Variants in FILIP1 observed in about 807,000 individuals in gnomAD.
FILIP1 encodes filamin-A-interacting protein 1.
FILIP1 carries 61 observed loss-of-function variants against 102.1 expected under a neutral mutation model. That is an observed-to-expected ratio of 0.60 (90% CI 0.49 to 0.74). FILIP1 has a LOEUF of 0.74. Among genes scored for constraint, FILIP1 ranks in the 30% least tolerant of loss-of-function variants. FILIP1 has a pLI of 0.00. For synonymous variants in FILIP1, 491 were observed against 526.9 expected (o/e 0.93, Z 0.93); for missense variants, 1,314 against 1,441.2 (o/e 0.91, Z 1.43).
intron 1 of FILIP1, among the ~76,000 whole-genome samples, chr6:75,441,719 C>A (rs1193652070): frequency 7.0e-6 from 1 of 142,198 alleles, no homozygotes; most frequent in South Asian, 2.2e-4. Flanking sequence ...CTGACCCCCC[C>A]ACCTCCCTCC....
In FILIP1 at chr6:75,299,204, A is replaced by G. The variant is rs539242316; in HGVS notation, c.3494-3254T>C. Among the ~76,000 whole-genome samples, 3 of 152,244 alleles carry G rather than the reference A, an allele frequency of 2.0e-5. No individual in the cohort carries two copies. In the South Asian group the frequency reaches 6.2e-4, roughly 32 times the overall value. On this transcript the variant is annotated intron_variant, in intron 6 of 6. Coordinates refer to the FILIP1 transcript ENST00000393004. Reference sequence around the variant, plus strand: ...TTTTATTCCATCTCCTACTGTCTTCATTTCATCCCAGAACAAGATTCAACT... The same window carrying G: ...TTTTATTCCATCTCCTACTGTCTTCGTTTCATCCCAGAACAAGATTCAACT...
intron 1 of FILIP1, among the ~76,000 whole-genome samples, chr6:75,485,998 T>TACACAC (rs71002741): frequency 3.0e-5 from 3 of 100,578 alleles, no homozygotes; most frequent in African/African-American, 8.4e-5. Context: ...CACACACACA[T>TACACAC]ACACACACAC....
intron 4 of FILIP1, chr6:75,319,061 C>T (rs1242809001): frequency 1.5e-5 from 11 of 728,504 alleles, no homozygotes; most frequent in African/African-American, 1.2e-4. Context: ...TCATCTTCAT[C>T]TTCTTCACCT....
intron 1 of FILIP1, chr6:75,428,622 C>CT (rs1313134661): frequency 6.5e-6 from 1 of 154,156 alleles, no homozygotes; most frequent in Non-Finnish European, 1.5e-5. Flanking sequence ...ACCAGCAACT[C>CT]TGCCTTCTCA....
intron 1 of FILIP1, among the ~76,000 whole-genome samples, chr6:75,460,551 T>C (rs2149749456): frequency 6.6e-6 from 1 of 152,322 alleles, no homozygotes. Flanking sequence ...TTTTACAAAG[T>C]AGATATCTAG....
At chr6:75,460,446 T>C (rs1778987205) in intron 1 of FILIP1, among the ~76,000 whole-genome samples, 1 of 152,160 alleles carries the variant, frequency 6.6e-6, no homozygotes, top group Admixed American at 6.6e-5. Context: ...TGGGGAAAAA[T>C]CTATTACATT....
At position 75,308,681 on chromosome 6, in the gene FILIP1, G is replaced by A; in HGVS notation, c.*10C>T. On this transcript the variant is annotated 3_prime_UTR_variant, in exon 6 of 6. Coordinates refer to ENST00000237172, the MANE Select transcript of FILIP1 (RefSeq NM_015687.5). ...AGCATCTGCACAACATACCCCCTTA[G>A]CCACTGCCCTCAGCCCTTCCCCCCT... 1 of 1,612,340 alleles carries A rather than the reference G, an allele frequency of 6.2e-7. No individual in the cohort carries two copies. The highest frequency in any genetic ancestry group is 1.1e-5 in the South Asian group (1 of 91,008).
chr6:75,431,931 CA>C (rs1292585882), intron 1 of FILIP1, among the ~76,000 whole-genome samples: 3 of 152,162 alleles, frequency 2.0e-5, no homozygotes, highest in African/African-American at 7.2e-5. Flanking sequence ...TAGTGACATA[CA>C]TGAATTGTCT....
chr6:75,469,028 C>A (rs1234523546), intron 1 of FILIP1, among the ~76,000 whole-genome samples: 1 of 151,414 alleles, frequency 6.6e-6, no homozygotes, highest in Non-Finnish European at 1.5e-5. Context: ...ATTTTGCCAA[C>A]CAAAATAAAA....
At position 75,299,480 on chromosome 6, in the gene FILIP1, A is replaced by G. The variant is rs924764597; in HGVS notation, c.3494-3530T>C. On this transcript the variant is annotated intron_variant, in intron 6 of 6. Coordinates refer to the FILIP1 transcript ENST00000393004. ...AAATTTGGGACCCTCTGATATGAAGATGTTTATTAACATAATTTCCTTTTT... is the reference window on the plus strand; with the variant it reads ...AAATTTGGGACCCTCTGATATGAAGGTGTTTATTAACATAATTTCCTTTTT... Among the ~76,000 whole-genome samples the G allele has an allele frequency of 7.2e-5, 11 of 152,218 alleles. 1 individual carries two copies. Among genetic ancestry groups the G allele is most frequent in the Non-Finnish European group, 1.0e-4 (7 of 68,036 alleles).
chr6:75,392,820 T>C (rs556681120), intron 2 of FILIP1, among the ~76,000 whole-genome samples: 1 of 152,330 alleles, frequency 6.6e-6, no homozygotes, highest in Admixed American at 6.5e-5. Flanking sequence ...ACGAGACTGA[T>C]GGTTTTAAAA....
intron 6 of FILIP1, among the ~76,000 whole-genome samples, chr6:75,301,755 G>A (rs773365571): frequency 1.3e-5 from 2 of 152,168 alleles, no homozygotes; most frequent in African/African-American, 2.4e-5. Context: ...GGCCAAGGTA[G>A]GGTGATATGC....
chr6:75,329,191 A>G (rs775554211), intron 4 of FILIP1, among the ~76,000 whole-genome samples: 1 of 152,224 alleles, frequency 6.6e-6, no homozygotes. Flanking sequence ...TCCTTGGAAC[A>G]CTTGTCAATC....
At chr6:75,319,664 A>G in intron 4 of FILIP1, 1 of 347,936 alleles carries the variant, frequency 2.9e-6, no homozygotes, top group Non-Finnish European at 5.5e-6. Context: ...CCCTGTCTCT[A>G]CTAAAAATAC....
chr6:75,436,281 G>A (rs987590062), intron 1 of FILIP1, among the ~76,000 whole-genome samples: 6 of 151,692 alleles, frequency 4.0e-5, no homozygotes, highest in Non-Finnish European at 7.4e-5. Context: ...CTGAGGGGAG[G>A]ATCACTTTAG....
intron 4 of FILIP1, among the ~76,000 whole-genome samples, chr6:75,326,104 T>TAGAG (rs1773848657): frequency 1.4e-5 from 2 of 148,026 alleles, no homozygotes; most frequent in South Asian, 2.1e-4. Context: ...ATTAGATAGA[T>TAGAG]AGATAGAGAG....
At chr6:75,373,173 A>G (rs1022774849) in intron 2 of FILIP1, among the ~76,000 whole-genome samples, 2 of 152,246 alleles carry the variant, frequency 1.3e-5, no homozygotes, top group South Asian at 2.1e-4. Flanking sequence ...AAGTATAACA[A>G]GTCAGTTACA....
Position 75,296,005 on chromosome 6 carries a change from G to A in FILIP1, c.3494-55C>T, listed in dbSNP as rs1280014396. 3 of 1,216,230 alleles carry A rather than the reference G, an allele frequency of 2.5e-6. No homozygotes were observed. In the East Asian group the frequency reaches 9.0e-5, roughly 37 times the overall value. The allele number at this position is 1,216,230 out of a possible 1,614,324, so 75.3% of individuals were successfully genotyped here. ...CAATTAAACTGAAACTGAGAATCAAGCTACATCATTTCACTAAAAGATCAT... is the reference window on the plus strand; with the variant it reads ...CAATTAAACTGAAACTGAGAATCAAACTACATCATTTCACTAAAAGATCAT... On this transcript the variant is annotated intron_variant, in intron 6 of 6. Coordinates refer to the FILIP1 transcript ENST00000393004.
At chr6:75,346,588 C>T (rs1311048063) in intron 4 of FILIP1, among the ~76,000 whole-genome samples, 3 of 152,114 alleles carry the variant, frequency 2.0e-5, no homozygotes, top group Non-Finnish European at 2.9e-5. Flanking sequence ...TGTTACTATC[C>T]TATGTCTTTT....
Sources: allele counts gnomAD v4.1 joint callset (sites outside exome capture counted in the v4.1 genomes callset), GRCh38; gene constraint gnomAD v4.1.1; transcripts MANE v1.5; gene names NCBI Gene and HGNC (gene_info 2026-07-23, HGNC 2026-07-21).